The following LRIG1 variants were observed in gnomAD, a reference collection of about 807,000 sequenced individuals.
LRIG1 encodes leucine-rich repeats and immunoglobulin-like domains protein 1.
A neutral mutation model predicts 99.2 loss-of-function variants in LRIG1; 48 were observed. The ratio of observed to expected loss-of-function variants is 0.48; its 90% CI spans 0.38 to 0.62. LRIG1 has a LOEUF of 0.62. LRIG1 is among the 20% of genes least tolerant of loss of function. The pLI, the probability that LRIG1 is intolerant of heterozygous loss-of-function variation, is 0.00. For synonymous variants in LRIG1, 772 were observed against 596.1 expected (o/e 1.29, Z -4.30); for missense variants, 1,646 against 1,434.4 (o/e 1.15, Z -2.38).
chr3:66,459,077 G>A (rs914184660), intron 2 of LRIG1, among the ~76,000 whole-genome samples: 2 of 151,846 alleles, frequency 1.3e-5, no homozygotes, highest in South Asian at 2.1e-4. Context: ...AAGTGATGTC[G>A]TATTCTCCAA....
chr3:66,408,081 A>T (rs1702338793), intron 7 of LRIG1, among the ~76,000 whole-genome samples: 2 of 152,204 alleles, frequency 1.3e-5, no homozygotes, highest in African/African-American at 4.8e-5. Flanking sequence ...CCCCTACTGC[A>T]GGCGGTAAAA....
At chr3:66,492,625 A>G (rs1701128854) in intron 1 of LRIG1, among the ~76,000 whole-genome samples, 1 of 152,138 alleles carries the variant, frequency 6.6e-6, no homozygotes, top group African/African-American at 2.4e-5. Context: ...ATCAACGCAA[A>G]ACACTTAAAA....
intron 3 of LRIG1, 101 bp downstream of exon 3, chr3:66,451,458 G>A (rs529235441): frequency 1.7e-5 from 15 of 878,628 alleles, no homozygotes; most frequent in Admixed American, 2.3e-5. Context: ...CTTCACCAGC[G>A]AGCACATGAA....
intron 1 of LRIG1, among the ~76,000 whole-genome samples, chr3:66,497,704 C>CAAAAAA (rs71616223): frequency 3.7e-4 from 33 of 89,244 alleles, no homozygotes; most frequent in African/African-American, 1.3e-3. Context: ...GCACTGTTTA[C>CAAAAAA]AAAAAAAAAA....
At chr3:66,449,998 A>G (rs1267548992) in intron 3 of LRIG1, among the ~76,000 whole-genome samples, 4 of 152,246 alleles carry the variant, frequency 2.6e-5, no homozygotes, top group Non-Finnish European at 5.9e-5. Context: ...TTAAGCAGCA[A>G]GGAGCTCCTA....
At chr3:66,428,510 G>T (rs914378627) in intron 3 of LRIG1, among the ~76,000 whole-genome samples, 2 of 152,124 alleles carry the variant, frequency 1.3e-5, no homozygotes, top group African/African-American at 4.8e-5. Flanking sequence ...TCTCAAAATT[G>T]GCAAGAAATA....
intron 9 of LRIG1, among the ~76,000 whole-genome samples, chr3:66,400,738 G>A (rs1702020176): frequency 6.6e-6 from 1 of 152,200 alleles, no homozygotes; most frequent in Non-Finnish European, 1.5e-5. Flanking sequence ...AGGAGGAAAA[G>A]AAAGGAAATA....
At chr3:66,382,856 G>A in intron 15 of LRIG1, 126 bp downstream of exon 15, 4 of 809,788 alleles carry the variant, frequency 4.9e-6, no homozygotes, top group South Asian at 3.7e-5. Flanking sequence ...GAATTAGTGG[G>A]ACTAAACCCT....
chr3:66,381,328 A>G (rs553214543), intron 17 of LRIG1, 151 bp downstream of exon 17: 8 of 651,718 alleles, frequency 1.2e-5, no homozygotes, highest in Middle Eastern at 2.9e-4. Flanking sequence ...GAATTAAGAG[A>G]GCCAGGCCTG....
intron 7 of LRIG1, among the ~76,000 whole-genome samples, chr3:66,408,025 T>C (rs1156625952): frequency 1.3e-5 from 2 of 152,206 alleles, no homozygotes; most frequent in Non-Finnish European, 2.9e-5. Context: ...AGGAGGCTCC[T>C]GCTCAGGCCT....
At chr3:66,476,862 G>C (rs186870160) in intron 1 of LRIG1, among the ~76,000 whole-genome samples, 26 of 152,138 alleles carry the variant, frequency 1.7e-4, no homozygotes, top group Non-Finnish European at 1.0e-4. Context: ...TGTGCAGCCC[G>C]GTAGGGATCA....
intron 3 of LRIG1, among the ~76,000 whole-genome samples, chr3:66,440,968 T>C (rs1703517819): frequency 6.6e-6 from 1 of 152,166 alleles, no homozygotes; most frequent in Non-Finnish European, 1.5e-5. Flanking sequence ...GATGCCTGAA[T>C]CAGCGTAAGG....
intron 5 of LRIG1, 93 bp downstream of exon 5, chr3:66,414,827 G>A: frequency 7.9e-7 from 1 of 1,258,000 alleles, no homozygotes; most frequent in Non-Finnish European, 1.1e-6. Context: ...AATGGAGCAA[G>A]GAAAGGGTGG....
Position 66,407,397 on chromosome 3 carries a change from T to C in LRIG1, c.1030A>G (p.Ser344Gly). The C allele has an allele frequency of 6.2e-7, 1 of 1,614,094 alleles. No homozygotes were observed. The highest frequency in any genetic ancestry group is 8.5e-7 in the Non-Finnish European group (1 of 1,180,030). ...TTGAAGGCACCCTCCGCAATGTGGC[T>C]GATGGAATTGTGGCTGAGACGCAGG... ...SVLRLSHNSISHIAEGAFKGL... is the reference protein window; with the variant it reads ...SVLRLSHNSIGHIAEGAFKGL... The change falls in exon 8 of 19, where the codon AGC becomes GGC. Residue 344 changes from serine (S) to glycine (G), a missense_variant. Transcript: ENST00000273261.
intron 3 of LRIG1, among the ~76,000 whole-genome samples, chr3:66,437,605 C>G (rs914714316): frequency 6.6e-5 from 10 of 152,204 alleles, no homozygotes; most frequent in African/African-American, 2.4e-4. Context: ...AACCTAGTGT[C>G]TGCCCCATAC....
Position 66,412,892 on chromosome 3 carries a change from C to T in LRIG1, c.770G>A (p.Gly257Glu). Residue 257 changes from glycine (G) to glutamate (E), a missense_variant, in exon 6 of 19, where the codon GGA (glycine) becomes GAA (glutamate). Physicochemically the swap from Gly to Glu is moderately conservative, Grantham distance 98. Coordinates refer to ENST00000273261, the MANE Select transcript of LRIG1 (RefSeq NM_015541.3). The part of the protein sequence containing the change: ...ISKLTDGAFW[G>E]LSKMHVLHLE... Reference sequence around the variant, plus strand: ...TTACAGCACATGCATCTTGGACAGTCCCCAGAAGGCCCCATCTGTCAGTTT... The same window carrying T: ...TTACAGCACATGCATCTTGGACAGTTCCCAGAAGGCCCCATCTGTCAGTTT... 6.2e-7 allele frequency: 1 copy of T among 1,614,150 alleles called. No homozygotes were observed. The highest frequency in any genetic ancestry group is 8.5e-7 in the Non-Finnish European group (1 of 1,179,994).
intron 3 of LRIG1, among the ~76,000 whole-genome samples, chr3:66,432,194 G>C (rs1703194245): frequency 6.6e-6 from 1 of 152,134 alleles, no homozygotes; most frequent in Admixed American, 6.5e-5. Flanking sequence ...TTTCCACACA[G>C]AACCTCCTCC....
At chr3:66,384,908 A>G (rs1380826399) in intron 13 of LRIG1, among the ~76,000 whole-genome samples, 1 of 152,070 alleles carries the variant, frequency 6.6e-6, no homozygotes, top group Non-Finnish European at 1.5e-5. Context: ...TTTTGGGGAG[A>G]GTCTAACAAA....
chr3:66,410,205 G>GA lies in LRIG1; in HGVS notation c.858dup (p.Gln287SerfsTer25), dbSNP rs764083726. The GA allele has an allele frequency of 6.2e-7, 1 of 1,614,146 alleles. No homozygotes were observed. Among genetic ancestry groups the GA allele is most frequent in the Non-Finnish European group, 8.5e-7 (1 of 1,179,942 alleles). On this transcript the variant is annotated frameshift_variant, in exon 7 of 19. Coordinates refer to ENST00000273261, the MANE Select transcript of LRIG1 (RefSeq NM_015541.3). LOFTEE classifies it high-confidence loss of function. ...ATGGAATTGTTGCTGAGGTGGAGCT[G>GA]ATGCAGGGCCGTGAGGCCGTAGAGC...
Sources: gnomAD v4.1 joint callset for allele counts (sites outside exome capture counted in the v4.1 genomes callset) on GRCh38, gnomAD v4.1.1 for gene constraint, MANE v1.5 for transcripts, NCBI Gene and HGNC (gene_info 2026-07-23, HGNC 2026-07-21) for gene names.